Variants in NR2F1-AS1 observed in about 807,000 individuals in gnomAD.
NR2F1-AS1 encodes NR2F1 regulatory antisense RNA 1.
chr5:93,466,362 G>A (rs185872372), intron 4 of NR2F1-AS1, among the ~76,000 whole-genome samples: 12 of 146,154 alleles, frequency 8.2e-5, no homozygotes, highest in East Asian at 4.0e-4. Context: ...ACATGGTCTC[G>A]CTCTGTCACC....
At chr5:93,496,848 T>C (rs769559715) in intron 4 of NR2F1-AS1, among the ~76,000 whole-genome samples, 4 of 152,206 alleles carry the variant, frequency 2.6e-5, no homozygotes, top group Non-Finnish European at 5.9e-5. Context: ...GACGGTCACA[T>C]CTTTGCCAGC....
chr5:93,550,719 G>C (rs1752207353), intron 4 of NR2F1-AS1, among the ~76,000 whole-genome samples: 1 of 152,122 alleles, frequency 6.6e-6, no homozygotes, highest in African/African-American at 2.4e-5. Context: ...GTTAGCAAGT[G>C]CATTTCATTT....
intron 1 of NR2F1-AS1, among the ~76,000 whole-genome samples, chr5:93,574,611 C>G (rs899589291): frequency 2.6e-5 from 4 of 152,140 alleles, no homozygotes; most frequent in African/African-American, 9.7e-5. Flanking sequence ...GGAAGCCCAG[C>G]CTCTGCCTTA....
intron 4 of NR2F1-AS1, among the ~76,000 whole-genome samples, chr5:93,439,593 C>T (rs1749517401): frequency 6.6e-6 from 1 of 152,228 alleles, no homozygotes; most frequent in Non-Finnish European, 1.5e-5. Context: ...TGCGCCCGGC[C>T]AAGGCTTTTC....
At chr5:93,485,649 CAA>C (rs1431325819) in intron 4 of NR2F1-AS1, among the ~76,000 whole-genome samples, 2 of 152,134 alleles carry the variant, frequency 1.3e-5, no homozygotes, top group Non-Finnish European at 2.9e-5. Context: ...AAAAACCCTT[CAA>C]AAAGTCAATG....
chr5:93,477,115 A>T (rs1054626425), intron 4 of NR2F1-AS1, among the ~76,000 whole-genome samples: 11 of 152,214 alleles, frequency 7.2e-5, no homozygotes, highest in African/African-American at 2.7e-4. Context: ...GGAAATAGAA[A>T]GCAAGATTGC....
chr5:93,507,963 G>A (rs1268762633), intron 4 of NR2F1-AS1, among the ~76,000 whole-genome samples: 2 of 152,048 alleles, frequency 1.3e-5, no homozygotes, highest in Non-Finnish European at 2.9e-5. Flanking sequence ...TTAACATCAG[G>A]CATAAATGGA....
chr5:93,524,672 T>G (rs1023627229), intron 4 of NR2F1-AS1, among the ~76,000 whole-genome samples: 1 of 152,156 alleles, frequency 6.6e-6, no homozygotes, highest in African/African-American at 2.4e-5. Context: ...GCAGAAACCC[T>G]ACAAGCCAGA....
intron 4 of NR2F1-AS1, chr5:93,544,902 T>C (rs1752042214): frequency 1.6e-5 from 2 of 123,104 alleles, no homozygotes; most frequent in African/African-American, 6.5e-5. Context: ...CCTGGTGACA[T>C]AGCGAGATTC....
intron 4 of NR2F1-AS1, among the ~76,000 whole-genome samples, chr5:93,457,414 C>T (rs1174896598): frequency 6.6e-6 from 1 of 152,184 alleles, no homozygotes; most frequent in Non-Finnish European, 1.5e-5. Context: ...CTTGAGTCGT[C>T]ACAGCACGTG....
Position 93,462,542 on chromosome 5 carries a change from G to C in NR2F1-AS1, n.639-67000C>G, listed in dbSNP as rs543970018. On this transcript the variant is annotated intron_variant and non_coding_transcript_variant, in intron 4 of 5. Coordinates refer to ENST00000660523, the Ensembl canonical transcript of NR2F1-AS1. ...TGTAAAGATACCCAAAAATGTGAAGGCAACTTTGGAACTGGGTAACCGGCA... is the reference window on the plus strand; with the variant it reads ...TGTAAAGATACCCAAAAATGTGAAGCCAACTTTGGAACTGGGTAACCGGCA... 2.1e-3 allele frequency among the ~76,000 whole-genome samples: 320 copies of C among 152,226 alleles called. 2 individuals carry two copies. The highest frequency in any genetic ancestry group is 7.4e-3 in the African/African-American group (309 of 41,556).
intron 1 of NR2F1-AS1, among the ~76,000 whole-genome samples, chr5:93,576,718 A>G (rs1481272933): frequency 6.6e-6 from 1 of 152,110 alleles, no homozygotes; most frequent in East Asian, 1.9e-4. Context: ...GAAATATCCA[A>G]CTCAGATCTA....
At chr5:93,573,431 C>G (rs1752823157) in intron 1 of NR2F1-AS1, among the ~76,000 whole-genome samples, 1 of 152,144 alleles carries the variant, frequency 6.6e-6, no homozygotes, top group Non-Finnish European at 1.5e-5. Flanking sequence ...GCCTTTCCAC[C>G]CTTTCTCACT....
At chr5:93,581,726 CTCT>C (rs1753052953), upstream of NR2F1-AS1, among the ~76,000 whole-genome samples, 3 of 67,102 alleles carry the variant, frequency 4.5e-5, no homozygotes, top group Admixed American at 1.2e-4. Context: ...CTCTCTCTCT[CTCT>C]CTCTCCCCCT....
chr5:93,585,522 C>A, upstream of NR2F1-AS1: 2 of 1,532,194 alleles, frequency 1.3e-6, no homozygotes, highest in Non-Finnish European at 1.8e-6. Flanking sequence ...CCCCGCGCTT[C>A]GCCCGCCTCC....
intron 4 of NR2F1-AS1, chr5:93,410,428 G>C (rs1293206290): frequency 6.6e-6 from 1 of 152,446 alleles, no homozygotes; most frequent in East Asian, 1.9e-4. Flanking sequence ...AGGCCGCACA[G>C]CAAGAGGTGA....
rs895484272 is a variant in NR2F1-AS1, at chr5:93,535,193, A to G, written n.638+18568T>C. 3.3e-5 allele frequency among the ~76,000 whole-genome samples: 5 copies of G among 152,166 alleles called. No individual in the cohort carries two copies. The South Asian group carries it at 1.0e-3, about 32-fold the overall frequency. ...AGGAATAAAGGTCGTACCTTTGCTC[A>G]TCTGTGACAAAGCTCTCTCTTTGGT... On this transcript the variant is annotated intron_variant and non_coding_transcript_variant, in intron 4 of 5. Transcript: ENST00000660523.
chr5:93,536,446 C>T (rs2149903026), intron 4 of NR2F1-AS1, among the ~76,000 whole-genome samples: 1 of 152,162 alleles, frequency 6.6e-6, no homozygotes, highest in Middle Eastern at 3.4e-3. Flanking sequence ...TCCTGAAATT[C>T]ATACAGAATC....
intron 4 of NR2F1-AS1, among the ~76,000 whole-genome samples, chr5:93,492,726 T>A (rs1750878169): frequency 2.0e-5 from 3 of 152,020 alleles, no homozygotes; most frequent in Non-Finnish European, 4.4e-5. Flanking sequence ...GCAAGTGTGG[T>A]TGAACATATG....
Sources: gnomAD v4.1 joint callset for allele counts (sites outside exome capture counted in the v4.1 genomes callset) on GRCh38, gnomAD v4.1.1 for gene constraint, MANE v1.5 for transcripts, NCBI Gene and HGNC (gene_info 2026-07-23, HGNC 2026-07-21) for gene names.